IL1RAPL1: variants seen among roughly 807,000 people sequenced by gnomAD.
The protein encoded by IL1RAPL1 is interleukin 1 receptor accessory protein like 1.
Under a neutral mutation model 48.4 loss-of-function variants are expected in IL1RAPL1, and 3 were observed. The ratio of observed to expected loss-of-function variants is 0.06; its 90% CI spans 0.03 to 0.16. The LOEUF is 0.16. Ranked by LOEUF, IL1RAPL1 falls within the 10% of genes least tolerant of loss-of-function variation. The pLI is 1.00. For synonymous variants in IL1RAPL1, 185 were observed against 187.7 expected, an observed-to-expected ratio of 0.99 and a Z score of 0.12; for missense variants, 349 against 530.6, an observed-to-expected ratio of 0.66 and a Z score of 3.36.
intron 5 of IL1RAPL1, among the ~76,000 whole-genome samples, chrX:29,506,073 G>C (rs1473407583): frequency 1.8e-5 from 2 of 111,812 alleles, no homozygotes; most frequent in African/African-American, 6.5e-5. Context: ...ATTTTTGTTT[G>C]ATTTTTAAAA....
At chrX:29,775,744 C>T (rs1929180751) in intron 6 of IL1RAPL1, among the ~76,000 whole-genome samples, 1 of 111,006 alleles carries the variant, frequency 9.0e-6, no homozygotes, top group Non-Finnish European at 1.9e-5. Flanking sequence ...ATTTATGTGC[C>T]GAGAGATGGG....
At chrX:29,004,953 G>C (rs2147390631) in intron 2 of IL1RAPL1, among the ~76,000 whole-genome samples, 1 of 112,221 alleles carries the variant, frequency 8.9e-6, no homozygotes, top group East Asian at 2.8e-4. Context: ...ACACTGAAGT[G>C]AGCCAAATCA....
intron 5 of IL1RAPL1, among the ~76,000 whole-genome samples, chrX:29,431,081 A>G (rs1047741570): frequency 3.6e-5 from 4 of 111,726 alleles, no homozygotes; most frequent in Non-Finnish European, 1.9e-5. Flanking sequence ...GATGCGGTCT[A>G]CAATATAACA....
At chrX:28,731,013 C>T in intron 1 of IL1RAPL1, among the ~76,000 whole-genome samples, 1 of 110,959 alleles carries the variant, frequency 9.0e-6, no homozygotes, top group Non-Finnish European at 1.9e-5. Flanking sequence ...TGTAAGAATG[C>T]TCACTCCTAG....
At chrX:29,682,532 A>G (rs1413399830) in intron 6 of IL1RAPL1, among the ~76,000 whole-genome samples, 1 of 111,518 alleles carries the variant, frequency 9.0e-6, no homozygotes, top group Non-Finnish European at 1.9e-5. Context: ...ATTGCTAGCA[A>G]ATCTCTTTTT....
chrX:28,925,506 C>T (rs1173708723), intron 2 of IL1RAPL1, among the ~76,000 whole-genome samples: 1 of 111,376 alleles, frequency 9.0e-6, no homozygotes, highest in East Asian at 2.8e-4. Flanking sequence ...GTGAATATTG[C>T]CAGGAGTTAG....
chrX:28,997,389 T>C (rs1468626772), intron 2 of IL1RAPL1, among the ~76,000 whole-genome samples: 1 of 111,562 alleles, frequency 9.0e-6, no homozygotes. Context: ...TGATATTCAG[T>C]GTATAGTTTT....
chrX:29,246,732 G>A (rs192879024), intron 2 of IL1RAPL1, among the ~76,000 whole-genome samples: 2 of 111,303 alleles, frequency 1.8e-5, no homozygotes, highest in East Asian at 5.7e-4. Context: ...GATTCATGGG[G>A]ATGCTTCATT....
intron 2 of IL1RAPL1, among the ~76,000 whole-genome samples, chrX:28,806,680 A>G (rs1200854164): frequency 2.7e-5 from 3 of 111,543 alleles, no homozygotes; most frequent in African/African-American, 9.8e-5. Flanking sequence ...CTGCCACTCT[A>G]ACTGACATGC....
At chrX:28,621,488 G>A (rs1269838315) in intron 1 of IL1RAPL1, among the ~76,000 whole-genome samples, 1 of 111,590 alleles carries the variant, frequency 9.0e-6, no homozygotes, top group Non-Finnish European at 1.9e-5. Flanking sequence ...AAATTCTGTG[G>A]CACTTTTGAG....
intron 3 of IL1RAPL1, among the ~76,000 whole-genome samples, chrX:29,376,582 A>G (rs2147670639): frequency 9.0e-6 from 1 of 110,614 alleles, no homozygotes; most frequent in East Asian, 2.9e-4. Context: ...CATGTCACCC[A>G]GGCTGTTCTT....
intron 3 of IL1RAPL1, among the ~76,000 whole-genome samples, chrX:29,370,134 C>G (rs1216652536): frequency 1.8e-5 from 2 of 111,508 alleles, no homozygotes; most frequent in Non-Finnish European, 3.8e-5. Context: ...CAATTTTTCT[C>G]TGTTTTACCT....
chrX:28,864,709 C>G (rs1321263933), intron 2 of IL1RAPL1, among the ~76,000 whole-genome samples: 1 of 110,850 alleles, frequency 9.0e-6, no homozygotes, highest in Admixed American at 9.6e-5. Context: ...AAGAAGGAGG[C>G]TAGTGTTGGG....
intron 2 of IL1RAPL1, among the ~76,000 whole-genome samples, chrX:29,038,398 A>C (rs937154992): frequency 3.6e-5 from 4 of 112,328 alleles, no homozygotes; most frequent in African/African-American, 1.3e-4. Context: ...AACTATATAT[A>C]CAGCCATTTA....
At chrX:29,329,686 G>A (rs928073094) in intron 3 of IL1RAPL1, among the ~76,000 whole-genome samples, 1 of 109,406 alleles carries the variant, frequency 9.1e-6, no homozygotes, top group Non-Finnish European at 1.9e-5. Flanking sequence ...GGTGGCACAC[G>A]CCTGTAGACC....
intron 2 of IL1RAPL1, among the ~76,000 whole-genome samples, chrX:28,932,041 C>CA (rs769372435): frequency 7.9e-4 from 77 of 97,125 alleles, no homozygotes; most frequent in South Asian, 2.2e-3. Flanking sequence ...GACTCCATCT[C>CA]AAAAAAAAAA....
intron 3 of IL1RAPL1, among the ~76,000 whole-genome samples, chrX:29,383,770 AAC>A (rs1933741133): frequency 8.9e-6 from 1 of 111,918 alleles, no homozygotes; most frequent in Non-Finnish European, 1.9e-5. Flanking sequence ...ATGGAAAGGA[AAC>A]CAACTGTGAA....
chrX:28,987,701 G>C (rs977538330), intron 2 of IL1RAPL1, among the ~76,000 whole-genome samples: 1 of 112,016 alleles, frequency 8.9e-6, no homozygotes, highest in Non-Finnish European at 1.9e-5. Flanking sequence ...GATTAAAATA[G>C]AGAAGCAGAA....
chrX:29,608,548 C>A (rs764040669), intron 5 of IL1RAPL1, among the ~76,000 whole-genome samples: 1 of 111,207 alleles, frequency 9.0e-6, no homozygotes, highest in East Asian at 2.8e-4. Context: ...AGGAGGAGGC[C>A]GGGCGCGGTG....
Sources: gnomAD v4.1 joint callset for allele counts (sites outside exome capture counted in the v4.1 genomes callset) on GRCh38, gnomAD v4.1.1 for gene constraint, MANE v1.5 for transcripts, NCBI Gene and HGNC (gene_info 2026-07-23, HGNC 2026-07-21) for gene names.